Variants in BTAF1 observed in about 807,000 individuals in gnomAD.
BTAF1 encodes the protein B-TFIID TATA-box binding protein associated factor 1.
A neutral mutation model predicts 227.1 loss-of-function variants in BTAF1; 38 were observed. That is an observed-to-expected ratio of 0.17 (90% CI 0.13 to 0.22). BTAF1 has a LOEUF of 0.22. BTAF1 is among the 10% of genes least tolerant of loss of function. The pLI is 1.00. For synonymous variants in BTAF1, 742 were observed against 751.9 expected (o/e 0.99, Z 0.21); for missense variants, 1,598 against 2,204.0 (o/e 0.73, Z 5.51).
At position 91,959,057 on chromosome 10, in the gene BTAF1, C is replaced by T. The variant is rs369850383; in HGVS notation, c.901-8C>T. 3.7e-6 allele frequency: 6 copies of T among 1,611,798 alleles called. No homozygotes were observed. Among genetic ancestry groups the T allele is most frequent in the Non-Finnish European group, 5.1e-6 (6 of 1,178,764 alleles). ...AACATCTGACATTTGCTTCTTTGTTCTTTTCAGGTTCGACATGGTGCAGGC... is the reference window on the plus strand; with the variant it reads ...AACATCTGACATTTGCTTCTTTGTTTTTTTCAGGTTCGACATGGTGCAGGC... On this transcript the variant is annotated splice_region_variant and splice_polypyrimidine_tract_variant and intron_variant, in intron 8 of 37. Coordinates refer to ENST00000265990, the MANE Select transcript of BTAF1 (RefSeq NM_003972.3).
chr10:91,962,225 G>T (rs1846574711), intron 11 of BTAF1, among the ~76,000 whole-genome samples: 1 of 152,084 alleles, frequency 6.6e-6, no homozygotes. Context: ...TTATCATTTT[G>T]TTAGTAGCTG....
chr10:92,015,394 C>T (rs1355038343), intron 32 of BTAF1, among the ~76,000 whole-genome samples: 1 of 152,150 alleles, frequency 6.6e-6, no homozygotes, highest in Non-Finnish European at 1.5e-5. Context: ...ACTTACTTTT[C>T]CCCCCTCCAT....
chr10:91,958,912 TTAGA>T (rs1341316106), intron 8 of BTAF1, among the ~76,000 whole-genome samples, 149 bp from the exon 9 acceptor site: 1 of 152,240 alleles, frequency 6.6e-6, no homozygotes, highest in East Asian at 1.9e-4. Flanking sequence ...GTAATTCTTC[TTAGA>T]TAGTTGAAGA....
chr10:91,954,662 A>G lies in BTAF1; in HGVS notation c.701+789A>G, dbSNP rs112473744. Reference sequence around the variant, plus strand: ...AGCCTCAAACTCCCAGGCTCAAGCAATCCTCCTGCCTCAGCCTCCCAAGTA... The same window carrying G: ...AGCCTCAAACTCCCAGGCTCAAGCAGTCCTCCTGCCTCAGCCTCCCAAGTA... On this transcript the variant is annotated intron_variant, in intron 6 of 37. Transcript: ENST00000265990. Among the ~76,000 whole-genome samples the G allele has an allele frequency of 4.9e-3, 747 of 152,158 alleles. 3 individuals carry two copies. The highest frequency in any genetic ancestry group is 0.017 in the African/African-American group (719 of 41,500).
chr10:91,978,814 GTTTTTTTTT>G (rs145477284), intron 14 of BTAF1, among the ~76,000 whole-genome samples: 50 of 89,856 alleles, frequency 5.6e-4, no homozygotes, highest in Middle Eastern at 7.2e-3. Context: ...TTTATGGCTT[GTTTTTTTTT>G]TTTTTTTTTT....
rs1434742833 is a variant in BTAF1 at position 91,935,767 on chromosome 10, A to G, written c.125A>G (p.Asn42Ser). The change falls in exon 2 of 38, where the codon AAT becomes AGT. Residue 42 changes from asparagine (N) to serine (S), a missense_variant. By Grantham distance (46) the Asn-to-Ser change is conservative. Around this residue, in one of 10 missense-constraint regions of BTAF1, gnomAD observed 298 missense variants for 395.2 expected, o/e 0.75. Transcript: ENST00000265990. ...AAGCTTCATCCCCATGAACTAAATA[A>G]TCTCCTGTCTAAAGTAAGAACTTTT... is the stretch of plus-strand genomic sequence containing the variant. ...VVKLHPHELNNLLSKVLIYLR... is the reference protein window; with the variant it reads ...VVKLHPHELNSLLSKVLIYLR... 6.2e-6 allele frequency: 10 copies of G among 1,610,212 alleles called. No individual in the cohort carries two copies. In the Admixed American group the frequency reaches 8.4e-5, roughly 13 times the overall value.
chr10:91,979,551 A>G (rs1205626016), intron 14 of BTAF1, among the ~76,000 whole-genome samples: 1 of 152,108 alleles, frequency 6.6e-6, no homozygotes, highest in Non-Finnish European at 1.5e-5. Context: ...TTCAGTTAAA[A>G]TTTCCAAATT....
intron 4 of BTAF1, among the ~76,000 whole-genome samples, chr10:91,948,117 TCATTTA>T (rs1845509414): frequency 6.6e-6 from 1 of 152,172 alleles, no homozygotes; most frequent in Non-Finnish European, 1.5e-5. Context: ...CATTAACTCG[TCATTTA>T]CATTAAGTAT....
At chr10:91,961,479 C>T (rs576523176) in intron 11 of BTAF1, among the ~76,000 whole-genome samples, 9 of 150,040 alleles carry the variant, frequency 6.0e-5, no homozygotes, top group African/African-American at 2.2e-4. Context: ...CTTTAACTGC[C>T]AATAACAAAG....
At chr10:91,972,759 T>A (rs1184140657) in intron 14 of BTAF1, among the ~76,000 whole-genome samples, 1 of 152,242 alleles carries the variant, frequency 6.6e-6, no homozygotes, top group Non-Finnish European at 1.5e-5. Context: ...TATTGTGAAT[T>A]GGGTCAATTT....
chr10:91,937,875 A>G (rs1360802590), intron 2 of BTAF1, among the ~76,000 whole-genome samples: 1 of 152,160 alleles, frequency 6.6e-6, no homozygotes, highest in Admixed American at 6.5e-5. Flanking sequence ...AAATGGTCCC[A>G]TTATTTACGT....
At chr10:91,943,634 A>G (rs904333610) in intron 4 of BTAF1, among the ~76,000 whole-genome samples, 5 of 152,210 alleles carry the variant, frequency 3.3e-5, no homozygotes, top group African/African-American at 1.2e-4. Flanking sequence ...TTATTTTTGC[A>G]GAGAATTAAG....
intron 25 of BTAF1, among the ~76,000 whole-genome samples, chr10:92,006,538 A>G (rs1849899155): frequency 6.6e-6 from 1 of 152,202 alleles, no homozygotes; most frequent in Admixed American, 6.5e-5. Flanking sequence ...TCATTTGGAA[A>G]ATATTGGTTC....
intron 8 of BTAF1, among the ~76,000 whole-genome samples, chr10:91,958,270 T>C (rs181435449): frequency 1.4e-4 from 22 of 152,194 alleles, no homozygotes; most frequent in Admixed American, 5.9e-4. Context: ...CAGGCTGGTC[T>C]TGCTTGAACT....
rs753349957 is a variant in BTAF1, at chr10:91,996,453, G to A, written c.3394G>A (p.Val1132Ile). The change falls in exon 24 of 38, where the codon GTC becomes ATC. Residue 1132 changes from valine to isoleucine, a missense_variant. Physicochemically the swap from Val to Ile is conservative, Grantham distance 29 (BLOSUM62 3). Transcript: ENST00000265990. ...VRHMAARCVG[V>I]MSKIATMETM... ...GCACATGGCTGCTCGTTGTGTAGGT[G>A]TCATGAGCAAAATAGCTACCATGGA... 19 of 1,614,000 alleles carry A rather than the reference G, an allele frequency of 1.2e-5. No homozygotes were observed. Among genetic ancestry groups the A allele is most frequent in the Non-Finnish European group, 1.4e-5 (17 of 1,180,020 alleles).
intron 21 of BTAF1, among the ~76,000 whole-genome samples, chr10:91,993,472 T>C (rs889945254): frequency 6.6e-6 from 1 of 152,200 alleles, no homozygotes; most frequent in African/African-American, 2.4e-5. Context: ...CAAAAAAGTG[T>C]TTTACTTTGG....
intron 2 of BTAF1, among the ~76,000 whole-genome samples, chr10:91,938,849 C>A (rs1411577481): frequency 6.6e-6 from 1 of 151,920 alleles, no homozygotes; most frequent in East Asian, 1.9e-4. Context: ...AACACTGAGA[C>A]CCCATCTCTA....
intron 34 of BTAF1, among the ~76,000 whole-genome samples, chr10:92,024,320 T>C (rs916606820): frequency 2.6e-5 from 4 of 152,220 alleles, no homozygotes; most frequent in African/African-American, 4.8e-5. Flanking sequence ...TTCTTTGTCA[T>C]TACTTTCAAT....
In BTAF1 at chr10:91,992,120, A is replaced by T; in HGVS notation, c.2856A>T (p.Gly952=). 1.3e-6 allele frequency: 2 copies of T among 1,563,122 alleles called. No individual in the cohort carries two copies. The highest frequency in any genetic ancestry group is 1.7e-6 in the Non-Finnish European group (2 of 1,152,444). Residue 952 remains glycine, a splice_region_variant and synonymous_variant, in exon 21 of 38, where the codon GGA becomes GGT. Transcript: ENST00000265990. ...PTQSGQENSK[G]STSEKDGMHH... ...GTTGTTTAACTTTTTTCTTATTAGG[A>T]TCCACCTCAGAAAAAGATGGAATGC...
Sources: allele counts gnomAD v4.1 joint callset (sites outside exome capture counted in the v4.1 genomes callset), GRCh38; gene constraint gnomAD v4.1.1; regional missense constraint gnomAD v4.1.1; transcripts MANE v1.5; gene names NCBI Gene and HGNC (gene_info 2026-07-23, HGNC 2026-07-21).